Variants in KBTBD3 observed in about 807,000 individuals in gnomAD.
The protein encoded by KBTBD3 is kelch repeat and BTB domain containing 3, also known as kelch repeat and BTB domain-containing protein 3.
KBTBD3 carries 38 observed loss-of-function variants against 49.6 expected under a neutral mutation model. The observed-to-expected ratio is 0.77, with a 90% CI of 0.59 to 1.00. KBTBD3 has a LOEUF of 1.00. Among genes scored for constraint, KBTBD3 ranks in the 50% least tolerant of loss-of-function variants. KBTBD3 has a pLI of 0.00. For missense variants in KBTBD3, 661 were observed against 712.0 expected (o/e 0.93, Z 0.81); for synonymous variants, 214 against 250.4 (o/e 0.85, Z 1.37).
chr11:106,058,950 C>T lies in KBTBD3; in HGVS notation c.148G>A (p.Val50Ile), dbSNP rs144471789. 121 of 1,568,392 alleles carry T rather than the reference C, an allele frequency of 7.7e-5. No homozygotes were observed. Among genetic ancestry groups the T allele is most frequent in the Middle Eastern group, 1.7e-4 (1 of 5,974 alleles). ...SVLQNFREQN[V>I]FYDFKIIMKD... The stretch of plus-strand genomic sequence containing the variant: ...ATAATTATTTTGAAATCATAAAAGA[C>T]ATTTTGTTCTCTAAAATTCTGTAGT... The change falls in exon 3 of 4, where the codon GTC (valine) becomes ATC (isoleucine). Residue 50 changes from valine to isoleucine, a missense_variant. Coordinates refer to ENST00000531837, the MANE Select transcript of KBTBD3 (RefSeq NM_198439.3).
rs913487197 is a variant in KBTBD3, at chr11:106,058,690, T to C, written c.233+175A>G. ...CCGCCCGCCTTGGCCTCTTAGGGTG[T>C]TGGGATTACAGGCGTGAGCCACCGT... On this transcript the variant is annotated intron_variant, in intron 3 of 3. Coordinates refer to ENST00000531837, the MANE Select transcript of KBTBD3 (RefSeq NM_198439.3). 18 of 550,972 alleles carry C rather than the reference T, an allele frequency of 3.3e-5. No homozygotes were observed. In the South Asian group the frequency reaches 4.0e-4, roughly 12 times the overall value. 34.1% of individuals were successfully genotyped at this position (550,972 alleles called of 1,614,324 possible).
chr11:106,061,709 T>C (rs547106895), intron 2 of KBTBD3, among the ~76,000 whole-genome samples: 1 of 152,006 alleles, frequency 6.6e-6, no homozygotes, highest in South Asian at 2.1e-4. Context: ...GCTTGCTGAC[T>C]ACAAATCTTG....
chr11:106,065,282 A>G (rs571442412), intron 2 of KBTBD3, among the ~76,000 whole-genome samples: 2,430 of 152,296 alleles, frequency 0.016, 21 homozygotes, highest in Middle Eastern at 0.037. Context: ...CTGGGACTAC[A>G]GGCGTGAGCC....
At chr11:106,072,540 ATTG>A (rs1016441246) in intron 2 of KBTBD3, among the ~76,000 whole-genome samples, 13 of 152,320 alleles carry the variant, frequency 8.5e-5, no homozygotes, top group African/African-American at 3.1e-4. Flanking sequence ...TTTTAAAATG[ATTG>A]TTATTCTTTT....
rs943587584 is a variant in KBTBD3 at position 106,067,648 on chromosome 11, A to C, written c.-12-8539T>G. On this transcript the variant is annotated intron_variant, in intron 2 of 3. Coordinates refer to ENST00000531837, the MANE Select transcript of KBTBD3 (RefSeq NM_198439.3). ...GTCTATTCAAAGAGATAACGTTCATAAGTCACTATAGCTAAATCAAAATTA... is the reference window on the plus strand; with the variant it reads ...GTCTATTCAAAGAGATAACGTTCATCAGTCACTATAGCTAAATCAAAATTA... Among the ~76,000 whole-genome samples, 124 of 152,210 alleles carry C rather than the reference A, an allele frequency of 8.1e-4. 1 individual carries two copies. The highest frequency in any genetic ancestry group is 2.9e-3 in the African/African-American group (119 of 41,566).
Position 106,051,543 on chromosome 11 carries a change from T to C in KBTBD3, c.*1307A>G, listed in dbSNP as rs1254564478. 1 of 152,038 alleles carries C rather than the reference T, an allele frequency of 6.6e-6. No homozygotes were observed. The allele number at this position is 152,038 out of a possible 1,614,324, so 9.4% of individuals were successfully genotyped here. A position where few individuals can be genotyped will look rare whatever the true frequency, so the allele number is the denominator to read the frequency against. On this transcript the variant is annotated 3_prime_UTR_variant, in exon 4 of 4. Coordinates refer to ENST00000531837, the MANE Select transcript of KBTBD3 (RefSeq NM_198439.3). ...AAAGATTAACATTTACAACTGAGTG[T>C]AGAAAACTACATTTGGTTCCAGAGA...
Position 106,066,264 on chromosome 11 carries a change from C to T in KBTBD3, c.-12-7155G>A, listed in dbSNP as rs538713187. The stretch of plus-strand genomic sequence containing the variant: ...GATAGGCAAACAAATGGTTCCGTTT[C>T]TAGCCATTTATTTGTTGTTTAGTTG... On this transcript the variant is annotated intron_variant, in intron 2 of 3. Coordinates refer to ENST00000531837, the MANE Select transcript of KBTBD3 (RefSeq NM_198439.3). Among the ~76,000 whole-genome samples, 11 of 152,138 alleles carry T rather than the reference C, an allele frequency of 7.2e-5. No individual in the cohort carries two copies. In the South Asian group the frequency reaches 1.9e-3, roughly 26 times the overall value.
At position 106,053,239 on chromosome 11, in the gene KBTBD3, C is replaced by G; in HGVS notation, c.1450G>C (p.Asp484His). 6.2e-7 allele frequency: 1 copy of G among 1,613,682 alleles called. No homozygotes were observed. The highest frequency in any genetic ancestry group is 8.5e-7 in the Non-Finnish European group (1 of 1,179,844). Residue 484 changes from aspartate (D) to histidine (H), a missense_variant, in exon 4 of 4, where the codon GAT (aspartate) becomes CAT (histidine). Coordinates refer to ENST00000531837, the MANE Select transcript of KBTBD3 (RefSeq NM_198439.3). ...DCFFKYNATT[D>H]QWSELVAEFG... ...TCTGCTACTAGTTCAGACCACTGAT[C>G]AGTTGTAGCATTGTATTTAAAAAAG...
intron 2 of KBTBD3, among the ~76,000 whole-genome samples, chr11:106,061,867 G>A (rs569518575): frequency 1.3e-5 from 2 of 151,606 alleles, no homozygotes; most frequent in African/African-American, 4.9e-5. Flanking sequence ...ATACATATAT[G>A]TGTGTGTGTA....
At chr11:106,066,711 T>C in intron 2 of KBTBD3, among the ~76,000 whole-genome samples, 1 of 138,368 alleles carries the variant, frequency 7.2e-6, no homozygotes, top group East Asian at 2.1e-4. Context: ...TTTGATTTGA[T>C]TCTTAAAAAT....
chr11:106,060,931 T>C (rs891136107), intron 2 of KBTBD3, among the ~76,000 whole-genome samples: 2 of 151,964 alleles, frequency 1.3e-5, no homozygotes, highest in Non-Finnish European at 2.9e-5. Context: ...ACAAGGAACT[T>C]AAACAAATTT....
At chr11:106,066,859 A>G (rs1382569103) in intron 2 of KBTBD3, among the ~76,000 whole-genome samples, 4 of 152,064 alleles carry the variant, frequency 2.6e-5, no homozygotes, top group African/African-American at 4.8e-5. Context: ...CCCTGGAGGT[A>G]TATATAAATA....
rs1035852557 is a variant in KBTBD3, at chr11:106,057,989, G to T, written c.233+876C>A. The T allele has an allele frequency of 2.5e-5, 10 of 398,362 alleles. No individual in the cohort carries two copies. In the East Asian group the frequency reaches 3.2e-4, roughly 13 times the overall value. 24.7% of individuals were successfully genotyped at this position (398,362 alleles called of 1,614,324 possible). A position where few individuals can be genotyped will look rare whatever the true frequency, so the allele number is the denominator to read the frequency against. On this transcript the variant is annotated intron_variant, in intron 3 of 3. Coordinates refer to ENST00000531837, the MANE Select transcript of KBTBD3 (RefSeq NM_198439.3). ...TGACACCATCAAAAAAATTTCTTCT[G>T]TCCCAGCGTAGTTCAAGGGATTAAT... is the stretch of plus-strand genomic sequence containing the variant.
chr11:106,076,972 G>C (rs952567062), intron 1 of KBTBD3, among the ~76,000 whole-genome samples: 1 of 152,192 alleles, frequency 6.6e-6, no homozygotes, highest in Non-Finnish European at 1.5e-5. Flanking sequence ...GGATCCAGGC[G>C]GGGTCAGTGT....
At chr11:106,075,390 A>G (rs1384774724) in intron 2 of KBTBD3, 1 of 152,244 alleles carries the variant, frequency 6.6e-6, no homozygotes, top group African/African-American at 2.4e-5. Flanking sequence ...TTGTGGAGTC[A>G]TTAATAACAT....
intron 2 of KBTBD3, among the ~76,000 whole-genome samples, chr11:106,071,461 A>T (rs1415700984): frequency 6.6e-6 from 1 of 152,158 alleles, no homozygotes; most frequent in Admixed American, 6.5e-5. Context: ...ACATGATGTA[A>T]ACACAAAGTT....
chr11:106,062,676 T>A (rs1860725717), intron 2 of KBTBD3, among the ~76,000 whole-genome samples: 1 of 152,242 alleles, frequency 6.6e-6, no homozygotes, highest in Admixed American at 6.5e-5. Flanking sequence ...CTTTACTTGG[T>A]CTCCTGATTC....
At chr11:106,068,159 C>T (rs1010563586) in intron 2 of KBTBD3, among the ~76,000 whole-genome samples, 1 of 151,576 alleles carries the variant, frequency 6.6e-6, no homozygotes, top group African/African-American at 2.4e-5. Flanking sequence ...TAGCTGGAGA[C>T]TTCAACACTC....
At chr11:106,072,391 T>G (rs1463976519) in intron 2 of KBTBD3, among the ~76,000 whole-genome samples, 1 of 152,118 alleles carries the variant, frequency 6.6e-6, no homozygotes, top group Non-Finnish European at 1.5e-5. Flanking sequence ...GCTCTTTGCA[T>G]GAGTAGAAAA....
Sources: allele counts gnomAD v4.1 joint callset (sites outside exome capture counted in the v4.1 genomes callset), GRCh38; gene constraint gnomAD v4.1.1; transcripts MANE v1.5; gene names NCBI Gene and HGNC (gene_info 2026-07-23, HGNC 2026-07-21).